PAICS: variants seen among roughly 807,000 people sequenced by gnomAD.
The protein encoded by PAICS is bifunctional phosphoribosylaminoimidazole carboxylase/phosphoribosylaminoimidazole succinocarboxamide synthetase.
In PAICS, 33 loss-of-function variants were observed where a neutral mutation model predicts 53.7. The ratio of observed to expected loss-of-function variants is 0.61; its 90% CI spans 0.47 to 0.82. The LOEUF (loss-of-function observed/expected upper bound fraction) is 0.82. Among genes scored for constraint, PAICS ranks in the 40% least tolerant of loss-of-function variants. PAICS has a pLI of 0.00. For missense variants in PAICS, 394 were observed against 494.1 expected, an observed-to-expected ratio of 0.80 and a Z score of 1.92; for synonymous variants, 141 against 167.2, an observed-to-expected ratio of 0.84 and a Z score of 1.21.
In PAICS at chr4:56,441,736, A is replaced by G. The variant is rs1473456327; in HGVS notation, c.90A>G (p.Lys30=). The G allele has an allele frequency of 6.2e-7, 1 of 1,605,448 alleles. No homozygotes were observed. The highest frequency in any genetic ancestry group is 8.5e-7 in the Non-Finnish European group (1 of 1,175,306). Residue 30 remains lysine, a synonymous_variant, in exon 2 of 9, where the codon AAA becomes AAG. Coordinates refer to ENST00000512576, the MANE Select transcript of PAICS (RefSeq NM_001079524.2). ...EVYELLDSPG[K]VLLQSKDQIT... ...ACGAATTGTTAGACAGTCCAGGAAAAGTCCTCCTGCAGTCCAAGGACCAGA... is the reference window on the plus strand; with the variant it reads ...ACGAATTGTTAGACAGTCCAGGAAAGGTCCTCCTGCAGTCCAAGGACCAGA...
At chr4:56,431,467 A>G (rs1717582234), upstream of PAICS, 1 of 977,096 alleles carries the variant, frequency 1.0e-6, no homozygotes, top group Admixed American at 6.2e-5. Context: ...AGATCATTAC[A>G]AATCAGTTTC....
chr4:56,423,565 A>T, the PAICS span: 1 of 152,156 alleles, frequency 6.6e-6, no homozygotes, highest in East Asian at 1.9e-4. Flanking sequence ...TATTCAGAAG[A>T]TTTTAGCTTG....
the PAICS span, among the ~76,000 whole-genome samples, chr4:56,412,839 T>C: frequency 6.6e-5 from 10 of 152,336 alleles, no homozygotes; most frequent in African/African-American, 2.4e-4. Flanking sequence ...CCTCTTCCCA[T>C]ATACTTTCCA....
At chr4:56,458,823 CT>C (rs1344030547) in intron 8 of PAICS, among the ~76,000 whole-genome samples, 1 of 152,128 alleles carries the variant, frequency 6.6e-6, no homozygotes, top group East Asian at 1.9e-4. Flanking sequence ...TAGGATGTTA[CT>C]TTTTTATTCT....
chr4:56,445,691 C>T (rs188608157), intron 2 of PAICS, among the ~76,000 whole-genome samples: 2 of 152,270 alleles, frequency 1.3e-5, no homozygotes, highest in Admixed American at 1.3e-4. Context: ...ATAGAAGCTC[C>T]CTTCATGTAC....
chr4:56,436,252 T>G, upstream of PAICS: 2 of 1,566,144 alleles, frequency 1.3e-6, no homozygotes, highest in Non-Finnish European at 8.7e-7. Context: ...TGACCACCCC[T>G]CTTTTCTAGA....
At chr4:56,445,096 G>T (rs934664948) in intron 2 of PAICS, among the ~76,000 whole-genome samples, 1 of 151,746 alleles carries the variant, frequency 6.6e-6, no homozygotes, top group Non-Finnish European at 1.5e-5. Flanking sequence ...TTTCCTTAGG[G>T]TTTCTGTTCA....
At chr4:56,443,518 G>C (rs767503398) in intron 2 of PAICS, among the ~76,000 whole-genome samples, 7 of 151,870 alleles carry the variant, frequency 4.6e-5, no homozygotes, top group African/African-American at 9.7e-5. Context: ...TTCTTCCCAA[G>C]TTTTAACTCT....
At chr4:56,432,934 G>T (rs1717675711), upstream of PAICS, among the ~76,000 whole-genome samples, 1 of 151,234 alleles carries the variant, frequency 6.6e-6, no homozygotes. Flanking sequence ...AGAGCTTTCT[G>T]CAACAGACCA....
chr4:56,416,577 A>C, the PAICS span: 1 of 152,500 alleles, frequency 6.6e-6, no homozygotes, highest in Admixed American at 6.6e-5. Context: ...GCCAACCCAC[A>C]CTGAAAAAAA....
chr4:56,456,888 G>C (rs1190693940), intron 8 of PAICS, among the ~76,000 whole-genome samples: 1 of 151,886 alleles, frequency 6.6e-6, no homozygotes, highest in Non-Finnish European at 1.5e-5. Flanking sequence ...GGTAATCCTT[G>C]GCTGTTTGCG....
chr4:56,431,737 T>C (rs1413770204), upstream of PAICS, among the ~76,000 whole-genome samples: 1 of 152,218 alleles, frequency 6.6e-6, no homozygotes, highest in Non-Finnish European at 1.5e-5. Context: ...TCTTCAAATA[T>C]GTCCAGGCCA....
chr4:56,464,307 G>A lies in PAICS; in HGVS notation c.*4769G>A, dbSNP rs1719608424. ...AACCTTCTGCTCTCAATGAATCTTG[G>A]AAGTCTCCAGAGGCAGACAATTTCA... On this transcript the variant is annotated 3_prime_UTR_variant, in exon 9 of 9. Transcript: ENST00000512576. 1 of 152,154 alleles carries A rather than the reference G, an allele frequency of 6.6e-6. No individual in the cohort carries two copies. The highest frequency in any genetic ancestry group is 1.5e-5 in the Non-Finnish European group (1 of 68,028). The allele number at this position is 152,154 out of a possible 1,614,324, so 9.4% of individuals were successfully genotyped here.
chr4:56,453,434 GT>G lies in PAICS; in HGVS notation c.953-165del, dbSNP rs900036361. Among the ~76,000 whole-genome samples, 51 of 148,434 alleles carry G rather than the reference GT, an allele frequency of 3.4e-4. No individual in the cohort carries two copies. The Middle Eastern group carries it at 0.01, about 31-fold the overall frequency. Reference sequence around the variant, plus strand: ...ATAGTAAGTGGCAGAGTAACCTTATGTTTTGAATATATGTGTAATAATAGTA... The same window carrying G: ...ATAGTAAGTGGCAGAGTAACCTTATGTTTGAATATATGTGTAATAATAGTA... On this transcript the variant is annotated intron_variant, in intron 7 of 8. Transcript: ENST00000512576.
chr4:56,412,457 G>A, the PAICS span, among the ~76,000 whole-genome samples: 3 of 152,136 alleles, frequency 2.0e-5, no homozygotes, highest in Non-Finnish European at 2.9e-5. Context: ...TATGGGGTGT[G>A]AGCCACCATG....
chr4:56,435,565 A>G, upstream of PAICS: 1 of 1,597,162 alleles, frequency 6.3e-7, no homozygotes, highest in Non-Finnish European at 8.5e-7. Flanking sequence ...TCGAGCTCAG[A>G]AGCTCGCGCT....
chr4:56,453,399 TACTTG>T (rs1719015259), intron 7 of PAICS, among the ~76,000 whole-genome samples, 199 bp from the exon 8 acceptor site: 2 of 152,186 alleles, frequency 1.3e-5, no homozygotes, highest in Non-Finnish European at 2.9e-5. Flanking sequence ...GCTACTTTAT[TACTTG>T]ACTTATAGTA....
chr4:56,411,367 C>G, the PAICS span, among the ~76,000 whole-genome samples: 2 of 152,296 alleles, frequency 1.3e-5, no homozygotes, highest in East Asian at 3.9e-4. Context: ...TTTAAAATAA[C>G]TGTTCTACAC....
At chr4:56,438,371 T>TTATGTATA in intron 1 of PAICS, among the ~76,000 whole-genome samples, 1 of 113,674 alleles carries the variant, frequency 8.8e-6, no homozygotes, top group East Asian at 2.3e-4. Flanking sequence ...TGCAATGTGT[T>TTATGTATA]TATATATATA....
Sources: gnomAD v4.1 joint callset for allele counts (sites outside exome capture counted in the v4.1 genomes callset) on GRCh38, gnomAD v4.1.1 for gene constraint, MANE v1.5 for transcripts, NCBI Gene and HGNC (gene_info 2026-07-23, HGNC 2026-07-21) for gene names.